The following GALNT18 variants were observed in gnomAD, a reference collection of about 807,000 sequenced individuals.
GALNT18 encodes the protein polypeptide N-acetylgalactosaminyltransferase 18, also known as GalNAc-transferase 18.
GALNT18 carries 44 observed loss-of-function variants against 69.5 expected under a neutral mutation model. That is an observed-to-expected ratio of 0.63 (90% CI 0.50 to 0.81). The LOEUF is 0.81. Among genes scored for constraint, GALNT18 ranks in the 40% least tolerant of loss-of-function variants. GALNT18 has a pLI of 0.00. For synonymous variants in GALNT18, 364 were observed against 318.2 expected (o/e 1.14, Z -1.53); for missense variants, 715 against 810.0 (o/e 0.88, Z 1.42).
At chr11:11,329,428 C>T (rs1018998676) in intron 8 of GALNT18, among the ~76,000 whole-genome samples, 1 of 152,144 alleles carries the variant, frequency 6.6e-6, no homozygotes, top group Non-Finnish European at 1.5e-5. Flanking sequence ...ACAAGCTCCA[C>T]TCTCCTCCCT....
intron 6 of GALNT18, among the ~76,000 whole-genome samples, chr11:11,369,587 T>C (rs1166769338): frequency 2.0e-5 from 3 of 152,196 alleles, no homozygotes; most frequent in Non-Finnish European, 2.9e-5. Flanking sequence ...TTAGGACATA[T>C]TGGGGCTGGG....
intron 9 of GALNT18, among the ~76,000 whole-genome samples, chr11:11,307,589 G>T (rs1194004119): frequency 1.3e-5 from 2 of 152,096 alleles, no homozygotes; most frequent in Non-Finnish European, 2.9e-5. Context: ...CCATCACAAT[G>T]CCCTGCTTCT....
Position 11,290,046 on chromosome 11 carries a change from GGGCTACTCCAAGACAGCCCA to G in GALNT18, c.1677+2963_1677+2982del, listed in dbSNP as rs1360270890. On this transcript the variant is annotated intron_variant, in intron 10 of 10. Coordinates refer to ENST00000227756, the MANE Select transcript of GALNT18 (RefSeq NM_198516.3). The stretch of plus-strand genomic sequence containing the variant: ...TGCCTGGCTGGGCTGTGGCCTCCAG[GGGCTACTCCAAGACAGCCCA>G]GAGGCCACTGCTCATCCTCCTCCTG... 2.0e-5 allele frequency among the ~76,000 whole-genome samples: 3 copies of G among 152,274 alleles called. No individual in the cohort carries two copies. The East Asian group carries it at 5.8e-4, about 29-fold the overall frequency.
rs779652715 is a variant in GALNT18, at chr11:11,372,088, T to C, written c.1092+427A>G. ...CTCTGGGCTATCTCTTAACAAAGTC[T>C]TTGGGAATGTTCTATGGGCCACTGT... is the stretch of plus-strand genomic sequence containing the variant. On this transcript the variant is annotated intron_variant, in intron 6 of 10. Coordinates refer to ENST00000227756, the MANE Select transcript of GALNT18 (RefSeq NM_198516.3). The surrounding 1 kb of genome is among the most constrained non-coding windows in gnomAD (Gnocchi z 4.9). Among the ~76,000 whole-genome samples, 7 of 152,204 alleles carry C rather than the reference T, an allele frequency of 4.6e-5. No homozygotes were observed. Among genetic ancestry groups the C allele is most frequent in the Admixed American group, 2.0e-4 (3 of 15,292 alleles).
At chr11:11,355,333 C>T (rs564581948) in intron 6 of GALNT18, among the ~76,000 whole-genome samples, 2 of 152,142 alleles carry the variant, frequency 1.3e-5, no homozygotes, top group Non-Finnish European at 2.9e-5. Context: ...TGAATTGTCT[C>T]CCCCTTCCTC....
In GALNT18 at chr11:11,523,624, C is replaced by G. The variant is rs914176573; in HGVS notation, c.236-74688G>C. 6.6e-6 allele frequency among the ~76,000 whole-genome samples: 1 copy of G among 151,242 alleles called. No individual in the cohort carries two copies. Among genetic ancestry groups the G allele is most frequent in the African/African-American group, 2.4e-5 (1 of 41,048 alleles). ...GTCCCAGCTACTCGGGAGGCTGAGG[C>G]AGGAGAATGGTGAGAACCCGGGAGG... On this transcript the variant is annotated intron_variant, in intron 1 of 10. Transcript: ENST00000227756. This position sits in a 1 kb window ranked among gnomAD's most constrained non-coding sequence, Gnocchi z 4.3.
At chr11:11,615,620 G>T (rs1860025354) in intron 1 of GALNT18, among the ~76,000 whole-genome samples, 1 of 152,020 alleles carries the variant, frequency 6.6e-6, no homozygotes, top group South Asian at 2.1e-4. Context: ...GTAACAGTCT[G>T]ATCTTTCCTC....
intron 9 of GALNT18, among the ~76,000 whole-genome samples, chr11:11,310,634 A>G (rs1472684628): frequency 1.3e-5 from 2 of 152,180 alleles, no homozygotes; most frequent in Admixed American, 1.3e-4. Flanking sequence ...TTGAGCAAGA[A>G]AAAAACTAAA....
In GALNT18 at chr11:11,459,651, G is replaced by C. The variant is rs550063431; in HGVS notation, c.236-10715C>G. Among the ~76,000 whole-genome samples the C allele has an allele frequency of 1.3e-5, 2 of 152,340 alleles. No individual in the cohort carries two copies. The highest frequency in any genetic ancestry group is 4.1e-4 in the South Asian group (2 of 4,830). Reference sequence around the variant, plus strand: ...AAACCTCTCTGAAGCTCAGCTTGCTGTCGAATGTGGATAATAATGTCTATG... The same window carrying C: ...AAACCTCTCTGAAGCTCAGCTTGCTCTCGAATGTGGATAATAATGTCTATG... On this transcript the variant is annotated intron_variant, in intron 1 of 10. Coordinates refer to ENST00000227756, the MANE Select transcript of GALNT18 (RefSeq NM_198516.3). This position sits in a 1 kb window ranked among gnomAD's most constrained non-coding sequence, Gnocchi z 5.0.
intron 1 of GALNT18, among the ~76,000 whole-genome samples, chr11:11,502,109 A>G (rs1352476066): frequency 6.6e-6 from 1 of 152,162 alleles, no homozygotes; most frequent in Non-Finnish European, 1.5e-5. Context: ...CTGAGTGTAG[A>G]GCTCGTTTGA....
chr11:11,432,110 C>T lies in GALNT18; in HGVS notation c.595+511G>A, dbSNP rs528185631. Among the ~76,000 whole-genome samples, 5 of 152,312 alleles carry T rather than the reference C, an allele frequency of 3.3e-5. No homozygotes were observed. Among genetic ancestry groups the T allele is most frequent in the African/African-American group, 9.6e-5 (4 of 41,572 alleles). ...GGGAACAGGGGATCCAGCAAAGAGG[C>T]TAGACATTCAACAAGTCTGTTGCTG... On this transcript the variant is annotated intron_variant, in intron 3 of 10. Transcript: ENST00000227756. The surrounding 1 kb of genome is among the most constrained non-coding windows in gnomAD (Gnocchi z 5.8).
intron 3 of GALNT18, among the ~76,000 whole-genome samples, chr11:11,406,296 G>A (rs1432999369): frequency 6.6e-6 from 1 of 152,194 alleles, no homozygotes; most frequent in Admixed American, 6.5e-5. Flanking sequence ...TCATCATAAT[G>A]TCTGCAGTTT....
At chr11:11,325,299 A>T (rs1186423378) in intron 9 of GALNT18, among the ~76,000 whole-genome samples, 1 of 152,198 alleles carries the variant, frequency 6.6e-6, no homozygotes, top group East Asian at 1.9e-4. Context: ...TATAAGTGGG[A>T]GCTAAGCTAT....
chr11:11,302,032 G>C (rs896680813), intron 9 of GALNT18, among the ~76,000 whole-genome samples: 1 of 152,186 alleles, frequency 6.6e-6, no homozygotes, highest in African/African-American at 2.4e-5. Context: ...AAGGACAAGG[G>C]ACTTCTAGCA....
In GALNT18 at chr11:11,564,598, C is replaced by G. The variant is rs1858597932; in HGVS notation, c.235+56761G>C. On this transcript the variant is annotated intron_variant, in intron 1 of 10. Coordinates refer to ENST00000227756, the MANE Select transcript of GALNT18 (RefSeq NM_198516.3). This position sits in a 1 kb window ranked among gnomAD's most constrained non-coding sequence, Gnocchi z 4.3. ...AGAGCTCATCAGCACGGTGGCAATGCAGGCAGCCCCCAATTCCAGAACAAA... is the reference window on the plus strand; with the variant it reads ...AGAGCTCATCAGCACGGTGGCAATGGAGGCAGCCCCCAATTCCAGAACAAA... Among the ~76,000 whole-genome samples the G allele has an allele frequency of 6.6e-6, 1 of 152,174 alleles. No homozygotes were observed. The highest frequency in any genetic ancestry group is 2.4e-5 in the African/African-American group (1 of 41,434).
intron 1 of GALNT18, among the ~76,000 whole-genome samples, chr11:11,474,565 A>G (rs897542677): frequency 3.6e-4 from 55 of 152,382 alleles, no homozygotes; most frequent in African/African-American, 1.3e-3. Context: ...TGAGTAGTCC[A>G]GGAAAGAAGT....
intron 3 of GALNT18, among the ~76,000 whole-genome samples, chr11:11,392,234 G>A (rs906043583): frequency 6.6e-6 from 1 of 152,168 alleles, no homozygotes; most frequent in African/African-American, 2.4e-5. Flanking sequence ...ATGGATTCAT[G>A]GCACATGGGA....
chr11:11,568,559 G>A (rs113346433), intron 1 of GALNT18, among the ~76,000 whole-genome samples: 24 of 152,266 alleles, frequency 1.6e-4, no homozygotes, highest in African/African-American at 5.5e-4. Context: ...AGATCTCAGA[G>A]TAAAAATCAC....
At chr11:11,423,017 C>T (rs1855045571) in intron 3 of GALNT18, among the ~76,000 whole-genome samples, 1 of 152,190 alleles carries the variant, frequency 6.6e-6, no homozygotes, top group African/African-American at 2.4e-5. Context: ...ACACACAAGC[C>T]CACGTGCCCA....
Sources: gnomAD v4.1 joint callset for allele counts (sites outside exome capture counted in the v4.1 genomes callset) on GRCh38, gnomAD v4.1.1 for gene constraint, Gnocchi (gnomAD v3.1) non-coding constraint, MANE v1.5 for transcripts, NCBI Gene and HGNC (gene_info 2026-07-23, HGNC 2026-07-21) for gene names.